Variants in ASH1L observed in about 807,000 individuals in gnomAD.
The protein encoded by ASH1L is ASH1 like histone lysine methyltransferase.
In ASH1L, 23 loss-of-function variants were observed where a neutral mutation model predicts 269.0. That is an observed-to-expected ratio of 0.09 (90% CI 0.06 to 0.12). The LOEUF (loss-of-function observed/expected upper bound fraction) is 0.12, where lower values mean the gene tolerates loss of function less well. Ranked by LOEUF, ASH1L falls within the 10% of genes least tolerant of loss-of-function variation. The probability of loss-of-function intolerance (pLI) is 1.00; values close to 1 mark genes in which losing one functional copy is unlikely to be tolerated. For synonymous variants in ASH1L, 1,187 were observed against 1,253.5 expected, an observed-to-expected ratio of 0.95 and a Z score of 1.12; for missense variants, 2,912 against 3,567.8, an observed-to-expected ratio of 0.82 and a Z score of 4.68.
intron 13 of ASH1L, among the ~76,000 whole-genome samples, chr1:155,359,251 C>CTACCTACCTACTGTGCCCAGTAGGTT (rs1654720247): frequency 6.6e-6 from 1 of 152,146 alleles, no homozygotes; most frequent in South Asian, 2.1e-4. Flanking sequence ...TAGGTATGCA[C>CTACCTACCTACTGTGCCCAGTAGGTT]TACTGTGCCC....
intron 2 of ASH1L, among the ~76,000 whole-genome samples, chr1:155,485,806 A>T (rs1373984434): frequency 6.6e-6 from 1 of 152,244 alleles, no homozygotes; most frequent in Non-Finnish European, 1.5e-5. Flanking sequence ...ATTAAAATGA[A>T]TCAGGGCTCC....
intron 6 of ASH1L, among the ~76,000 whole-genome samples, chr1:155,403,131 G>C (rs1658993601): frequency 6.6e-6 from 1 of 151,764 alleles, no homozygotes; most frequent in African/African-American, 2.4e-5. Flanking sequence ...GTTACAGTGA[G>C]CCAAGATCGT....
At chr1:155,426,325 C>T (rs1354075030) in intron 5 of ASH1L, among the ~76,000 whole-genome samples, 4 of 152,042 alleles carry the variant, frequency 2.6e-5, no homozygotes, top group Admixed American at 6.6e-5. Flanking sequence ...CTGCCTTGGC[C>T]TCCCAAAGTG....
chr1:155,414,122 TC>T (rs1660021352), intron 6 of ASH1L, among the ~76,000 whole-genome samples: 1 of 152,170 alleles, frequency 6.6e-6, no homozygotes, highest in African/African-American at 2.4e-5. Context: ...TCAATCTTAT[TC>T]TTCTCTTTGT....
chr1:155,554,153 C>T (rs1671419345), intron 1 of ASH1L, among the ~76,000 whole-genome samples: 1 of 151,710 alleles, frequency 6.6e-6, no homozygotes, highest in South Asian at 2.1e-4. Context: ...GGTGCGATTA[C>T]AGTTTACTGC....
chr1:155,433,984 G>C, intron 5 of ASH1L: 2 of 1,583,570 alleles, frequency 1.3e-6, no homozygotes, highest in Non-Finnish European at 8.6e-7. Flanking sequence ...AGCAGCTTGG[G>C]CTCGAGAAGG....
rs776090224 is a variant in ASH1L at position 155,347,855 on chromosome 1, C to T, written c.7604G>A (p.Arg2535Gln). 29 of 1,614,080 alleles carry T rather than the reference C, an allele frequency of 1.8e-5. No homozygotes were observed. In the Admixed American group the frequency reaches 4.0e-4, roughly 22 times the overall value. ...ATGCCGGGCATTGTAATAGGCCTTT[C>T]GTAGACGACAAACATCTCTCCCAAC... is the stretch of plus-strand genomic sequence containing the variant. ...SPVGRDVCRL[R>Q]KAYYNARHEA... Residue 2535 changes from arginine (R) to glutamine (Q), a missense_variant, in exon 20 of 28, where the codon CGA becomes CAA. By Grantham distance (43) the Arg-to-Gln change is conservative. This residue lies in a region of ASH1L where 309 missense variants were observed against 435.1 expected (regional missense o/e 0.71). Transcript: ENST00000392403.
chr1:155,443,479 T>A (rs1422956824), intron 4 of ASH1L, among the ~76,000 whole-genome samples: 1 of 152,232 alleles, frequency 6.6e-6, no homozygotes, highest in Non-Finnish European at 1.5e-5. Flanking sequence ...TGCATGTTTT[T>A]TATATATACA....
chr1:155,521,674 A>G (rs1444299976), intron 1 of ASH1L, 56 bp from the exon 2 acceptor site: 3 of 650,890 alleles, frequency 4.6e-6, no homozygotes, highest in Non-Finnish European at 7.7e-6. Flanking sequence ...ACTGATTAAC[A>G]TAAGTAATGG....
intron 10 of ASH1L, among the ~76,000 whole-genome samples, chr1:155,374,027 T>C (rs180845965): frequency 6.6e-6 from 1 of 152,276 alleles, no homozygotes; most frequent in African/African-American, 2.4e-5. Flanking sequence ...TCATGTTATA[T>C]TTATAATAAT....
intron 2 of ASH1L, among the ~76,000 whole-genome samples, chr1:155,517,611 C>T (rs952435133): frequency 6.6e-6 from 1 of 150,566 alleles, no homozygotes; most frequent in Non-Finnish European, 1.5e-5. Flanking sequence ...CCACTGTACT[C>T]CAGCCTAGGC....
chr1:155,545,112 C>A (rs193012600), intron 1 of ASH1L, among the ~76,000 whole-genome samples: 2 of 120,032 alleles, frequency 1.7e-5, no homozygotes, highest in South Asian at 2.9e-4. Context: ...GCAGAGGTTG[C>A]GGTGAGCCGA....
At chr1:155,352,335 G>A (rs1184124074) in intron 17 of ASH1L, among the ~76,000 whole-genome samples, 1 of 143,770 alleles carries the variant, frequency 7.0e-6, no homozygotes, top group African/African-American at 2.6e-5. Context: ...AGAATGCAGA[G>A]AGTGTGATTT....
At chr1:155,495,349 C>T (rs1213016473) in intron 2 of ASH1L, among the ~76,000 whole-genome samples, 3 of 152,076 alleles carry the variant, frequency 2.0e-5, no homozygotes, top group African/African-American at 4.8e-5. Flanking sequence ...GCCTGCCACA[C>T]ACCTAAGCTG....
At chr1:155,386,577 A>G (rs1448430477) in intron 7 of ASH1L, among the ~76,000 whole-genome samples, 2 of 140,278 alleles carry the variant, frequency 1.4e-5, no homozygotes, top group African/African-American at 5.2e-5. Context: ...TTTTTTTAGT[A>G]GAGACGGGGT....
intron 6 of ASH1L, among the ~76,000 whole-genome samples, chr1:155,395,770 G>A (rs1382542773): frequency 6.6e-6 from 1 of 152,082 alleles, no homozygotes; most frequent in Non-Finnish European, 1.5e-5. Flanking sequence ...AAGCTGAGGT[G>A]GAAGGACTGC....
chr1:155,533,624 G>T (rs897854213), intron 1 of ASH1L, among the ~76,000 whole-genome samples: 6 of 150,342 alleles, frequency 4.0e-5, no homozygotes, highest in African/African-American at 1.5e-4. Context: ...TGAGGCAGAA[G>T]AATCACTTGA....
At chr1:155,339,434 G>T in intron 25 of ASH1L, 66 bp from the exon 26 acceptor site, 1 of 1,496,708 alleles carries the variant, frequency 6.7e-7, no homozygotes, top group Non-Finnish European at 9.3e-7. Context: ...CTTCTCTGGG[G>T]CCAGTCAGGA....
chr1:155,361,655 T>C (rs1432755125), intron 12 of ASH1L, among the ~76,000 whole-genome samples: 1 of 151,430 alleles, frequency 6.6e-6, no homozygotes, highest in Non-Finnish European at 1.5e-5. Context: ...GCCAAGATCC[T>C]GCCACTGCAC....
Sources: gnomAD v4.1 joint callset for allele counts (sites outside exome capture counted in the v4.1 genomes callset) on GRCh38, gnomAD v4.1.1 for gene constraint, gnomAD v4.1.1 regional missense constraint, MANE v1.5 for transcripts, NCBI Gene and HGNC (gene_info 2026-07-23, HGNC 2026-07-21) for gene names.